PDE1C: variants seen among roughly 807,000 people sequenced by gnomAD.
PDE1C encodes the protein dual specificity calcium/calmodulin-dependent 3',5'-cyclic nucleotide phosphodiesterase 1C.
A neutral mutation model predicts 93.1 loss-of-function variants in PDE1C; 62 were observed. That is an observed-to-expected ratio of 0.67 (90% CI 0.54 to 0.82). The LOEUF (loss-of-function observed/expected upper bound fraction) is 0.82. Among genes scored for constraint, PDE1C ranks in the 40% least tolerant of loss-of-function variants. The pLI is 0.00. For missense variants in PDE1C, 742 were observed against 884.6 expected (o/e 0.84, Z 2.04); for synonymous variants, 325 against 310.1 (o/e 1.05, Z -0.50).
chr7:32,358,819 C>A (rs2128084688), intron 1 of PDE1C, among the ~76,000 whole-genome samples: 1 of 150,004 alleles, frequency 6.7e-6, no homozygotes, highest in African/African-American at 2.4e-5. Context: ...TCCAGCATTC[C>A]ATATCTCCCT....
At chr7:32,378,949 C>A (rs1280915412) in intron 1 of PDE1C, among the ~76,000 whole-genome samples, 1 of 152,226 alleles carries the variant, frequency 6.6e-6, no homozygotes, top group Non-Finnish European at 1.5e-5. Flanking sequence ...GCAGGAATAA[C>A]CTATCAGGCA....
Position 31,753,510 on chromosome 7 carries a change from T to A in PDE1C, c.2004A>T (p.Ala668=). The A allele has an allele frequency of 6.2e-7, 1 of 1,612,112 alleles. No homozygotes were observed. Among genetic ancestry groups the A allele is most frequent in the Non-Finnish European group, 8.5e-7 (1 of 1,179,526 alleles). ...AGACTGAAGGTGCATAGGAGCTAGATGCGTAAGCAGGGCGTTTAAAATGAC... is the reference window on the plus strand; with the variant it reads ...AGACTGAAGGTGCATAGGAGCTAGAAGCGTAAGCAGGGCGTTTAAAATGAC... ...PLRHFKRPAY[A]SSSYAPSVSK... Residue 668 remains alanine, a synonymous_variant, in exon 18 of 18, where the codon GCA becomes GCT. Coordinates refer to ENST00000396191, the MANE Select transcript of PDE1C (RefSeq NM_001191057.4).
chr7:31,777,334 T>C (rs1783068446), intron 16 of PDE1C, among the ~76,000 whole-genome samples: 1 of 151,980 alleles, frequency 6.6e-6, no homozygotes, highest in Non-Finnish European at 1.5e-5. Context: ...TTTTATTTTA[T>C]TTATTTATTT....
At chr7:31,694,737 G>A in the PDE1C span, among the ~76,000 whole-genome samples, 2 of 152,190 alleles carry the variant, frequency 1.3e-5, no homozygotes, top group African/African-American at 4.8e-5. Context: ...GTAAGAGGGA[G>A]CAGAGGAGAG....
At chr7:31,732,638 CTGTGTGTGTGTG>C in the PDE1C span, among the ~76,000 whole-genome samples, 92,481 of 144,164 alleles carry the variant, frequency 0.64, 32,201 homozygotes, top group Non-Finnish European at 0.78. Flanking sequence ...TCCTCTCTTT[CTGTGTGTGTGTG>C]TGTGTGTGTG....
intron 1 of PDE1C, among the ~76,000 whole-genome samples, chr7:32,380,408 T>TTTTC (rs1172798524): frequency 6.7e-6 from 1 of 149,914 alleles, no homozygotes; most frequent in Non-Finnish European, 1.5e-5. Flanking sequence ...CGGCTAATTT[T>TTTTC]TTTTTTTTTT....
intron 1 of PDE1C, among the ~76,000 whole-genome samples, chr7:32,062,025 C>T (rs1403917020): frequency 1.3e-5 from 2 of 152,130 alleles, no homozygotes; most frequent in Non-Finnish European, 2.9e-5. Context: ...TCCAGACTCA[C>T]TTATCCAACT....
At chr7:32,010,200 T>C (rs1170814724) in intron 2 of PDE1C, among the ~76,000 whole-genome samples, 4 of 152,158 alleles carry the variant, frequency 2.6e-5, no homozygotes, top group African/African-American at 9.7e-5. Context: ...AAATCAATTT[T>C]TAAAAAGAAC....
Position 32,027,607 on chromosome 7 carries a change from TAAAAAAAAAAAAAAAAAA to T in PDE1C, c.128+23929_128+23946del, listed in dbSNP as rs551660766. The stretch of plus-strand genomic sequence containing the variant: ...AAAAAAAAAAAACTATCAAAAATGG[TAAAAAAAAAAAAAAAAAA>T]AAAAAAAAAAAAAAAAAAAAGACTA... On this transcript the variant is annotated intron_variant, in intron 2 of 17. Coordinates refer to ENST00000396191, the MANE Select transcript of PDE1C (RefSeq NM_001191057.4). 1.7e-3 allele frequency among the ~76,000 whole-genome samples: 131 copies of T among 78,492 alleles called. 1 individual carries two copies. Among genetic ancestry groups the T allele is most frequent in the African/African-American group, 5.7e-3 (93 of 16,390 alleles). The allele number at this position is 78,492 out of a possible 152,430, so 51.5% of individuals were successfully genotyped here.
chr7:31,747,225 T>C (rs1794025502), downstream of PDE1C, among the ~76,000 whole-genome samples: 1 of 152,052 alleles, frequency 6.6e-6, no homozygotes, highest in Non-Finnish European at 1.5e-5. Context: ...ATGGAAAAAA[T>C]ATATAGCAGT....
At chr7:32,075,407 C>T (rs935405424), upstream of PDE1C, among the ~76,000 whole-genome samples, 4 of 152,140 alleles carry the variant, frequency 2.6e-5, no homozygotes, top group Admixed American at 6.5e-5. Context: ...TCCCCGCCCA[C>T]ACCAGATGTG....
intron 1 of PDE1C, among the ~76,000 whole-genome samples, chr7:32,374,198 GGGAA>G (rs1784384267): frequency 3.1e-5 from 4 of 130,190 alleles, no homozygotes; most frequent in Admixed American, 7.8e-5. Context: ...AAGAAAGAGA[GGGAA>G]AGAGAGGGAA....
At chr7:31,879,307 A>G in intron 3 of PDE1C, 129 bp from the exon 4 acceptor site, 1 of 839,914 alleles carries the variant, frequency 1.2e-6, no homozygotes, top group Non-Finnish European at 1.8e-6. Flanking sequence ...ATTGGCCACA[A>G]AAAATACAGT....
chr7:31,976,519 A>G (rs1440350360), intron 2 of PDE1C, among the ~76,000 whole-genome samples: 1 of 152,210 alleles, frequency 6.6e-6, no homozygotes, highest in Non-Finnish European at 1.5e-5. Context: ...TTTCTATTAA[A>G]TAGGTGACAT....
intron 3 of PDE1C, among the ~76,000 whole-genome samples, chr7:32,105,545 G>A (rs910096736): frequency 2.6e-5 from 4 of 152,138 alleles, no homozygotes; most frequent in African/African-American, 7.2e-5. Flanking sequence ...CATCTCTGGA[G>A]GGAGAAGGAC....
At chr7:32,366,053 A>G (rs780648766) in intron 1 of PDE1C, among the ~76,000 whole-genome samples, 3 of 152,208 alleles carry the variant, frequency 2.0e-5, no homozygotes, top group Non-Finnish European at 2.9e-5. Flanking sequence ...CCAAATGAAC[A>G]CAATAACTCT....
At chr7:31,787,208 C>T (rs771181879) in intron 16 of PDE1C, 2 of 152,092 alleles carry the variant, frequency 1.3e-5, no homozygotes, top group Non-Finnish European at 2.9e-5. Context: ...TGAACACGTG[C>T]ACTAGGTTAT....
intron 2 of PDE1C, among the ~76,000 whole-genome samples, chr7:32,004,963 G>A (rs1785995566): frequency 6.6e-6 from 1 of 152,164 alleles, no homozygotes; most frequent in Non-Finnish European, 1.5e-5. Flanking sequence ...TAATTTATTT[G>A]ATACATATTA....
At chr7:32,006,991 C>A (rs925747653) in intron 2 of PDE1C, among the ~76,000 whole-genome samples, 30 of 152,254 alleles carry the variant, frequency 2.0e-4, no homozygotes, top group Non-Finnish European at 3.4e-4. Context: ...CCGTTACATT[C>A]ACTTTCTGTG....
Sources: gnomAD v4.1 joint callset for allele counts (sites outside exome capture counted in the v4.1 genomes callset) on GRCh38, gnomAD v4.1.1 for gene constraint, MANE v1.5 for transcripts, NCBI Gene and HGNC (gene_info 2026-07-23, HGNC 2026-07-21) for gene names.